The following ABCF1 variants were observed in gnomAD, a reference collection of about 807,000 sequenced individuals.
ABCF1 encodes the protein ATP binding cassette subfamily F member 1.
In ABCF1, 73 loss-of-function variants were observed where a neutral mutation model predicts 126.3. That is an observed-to-expected ratio of 0.58 (90% confidence interval 0.48 to 0.70). The LOEUF (loss-of-function observed/expected upper bound fraction) is 0.70. Ranked by LOEUF, ABCF1 falls within the 30% of genes least tolerant of loss-of-function variation. The probability of loss-of-function intolerance (pLI) is 0.00; values close to 1 mark genes in which losing one functional copy is unlikely to be tolerated. For synonymous variants in ABCF1, 345 were observed against 396.4 expected (o/e 0.87, Z 1.54); for missense variants, 786 against 1,057.5 (o/e 0.74, Z 3.56).
chr6:30,583,966 GA>G lies in ABCF1; in HGVS notation c.1102+79del. On this transcript the variant is annotated intron_variant, in intron 12 of 24. Coordinates refer to ENST00000326195, the MANE Select transcript of ABCF1 (RefSeq NM_001025091.2). This position sits in a 1 kb window ranked among gnomAD's most constrained non-coding sequence, Gnocchi z 4.1. ...AAAAGCCAGCCAGCCAAGAATAGAA[GA>G]AATTGTGGCTATGGAGTTGGAAGGG... 1 of 1,541,678 alleles carries G rather than the reference GA, an allele frequency of 6.5e-7. No homozygotes were observed. The highest frequency in any genetic ancestry group is 8.9e-7 in the Non-Finnish European group (1 of 1,121,228).
rs1375884087 is a variant in ABCF1, at chr6:30,584,971, TG to T, written c.1392-287del. On this transcript the variant is annotated intron_variant, in intron 14 of 24. Transcript: ENST00000326195. This position sits in a 1 kb window ranked among gnomAD's most constrained non-coding sequence, Gnocchi z 4.6. ...AAATTTAAAGATCAGCTGGATATGG[TG>T]GCGCACGCTGTGGTCACAGCTACTC... Among the ~76,000 whole-genome samples the T allele has an allele frequency of 1.3e-5, 2 of 152,148 alleles. No individual in the cohort carries two copies. The highest frequency in any genetic ancestry group is 4.8e-5 in the African/African-American group (2 of 41,426).
Position 30,571,451 on chromosome 6 carries a change from A to C in ABCF1, c.-37A>C, listed in dbSNP as rs751498234. ...CCCCGCCGCCGGAAGCGGAAATAGC[A>C]CCGGGCGCCGCCACAGTAGCTGTAA... is the stretch of plus-strand genomic sequence containing the variant. On this transcript the variant is annotated 5_prime_UTR_variant, in exon 1 of 25. Coordinates refer to ENST00000326195, the MANE Select transcript of ABCF1 (RefSeq NM_001025091.2). 2 of 1,588,408 alleles carry C rather than the reference A, an allele frequency of 1.3e-6. No individual in the cohort carries two copies. The highest frequency in any genetic ancestry group is 1.7e-6 in the Non-Finnish European group (2 of 1,167,592).
intron 20 of ABCF1, 61 bp from the exon 21 acceptor site, chr6:30,589,627 T>C (rs1802333171): frequency 6.5e-7 from 1 of 1,548,040 alleles, no homozygotes; most frequent in Admixed American, 1.9e-5. Context: ...AAAGTTGATG[T>C]ATGGAGCTGC....
intron 16 of ABCF1, 98 bp downstream of exon 16, chr6:30,585,780 T>C (rs1802086101): frequency 1.3e-6 from 2 of 1,572,472 alleles, no homozygotes; most frequent in African/African-American, 2.7e-5. Flanking sequence ...CTGTCAGAAT[T>C]CCAGACAGTG....
chr6:30,590,097 C>T, intron 22 of ABCF1, 52 bp from the exon 23 acceptor site: 1 of 1,611,962 alleles, frequency 6.2e-7, no homozygotes, highest in Non-Finnish European at 8.5e-7. Flanking sequence ...GAGGGTTTGC[C>T]TTCAGAATGT....
At position 30,586,824 on chromosome 6, in the gene ABCF1, A is replaced by G. The variant is rs1802161918; in HGVS notation, c.2031+113A>G. ...GAATGTAGAGTTAAATACAGAACTC[A>G]TGATAGATGATTCATTTCCCTAAGA... On this transcript the variant is annotated intron_variant, in intron 20 of 24. Transcript: ENST00000326195. The surrounding 1 kb of genome is among the most constrained non-coding windows in gnomAD (Gnocchi z 4.9). 7.0e-6 allele frequency: 8 copies of G among 1,137,330 alleles called. No homozygotes were observed. Among genetic ancestry groups the G allele is most frequent in the Non-Finnish European group, 1.0e-5 (8 of 780,758 alleles). The allele number at this position is 1,137,330 out of a possible 1,614,324, so 70.5% of individuals were successfully genotyped here.
At chr6:30,580,667 G>A (rs529986725) in intron 8 of ABCF1, 148 bp downstream of exon 8, 10 of 527,240 alleles carry the variant, frequency 1.9e-5, no homozygotes, top group African/African-American at 8.1e-5. Context: ...GTGGTGGTTC[G>A]TTTGTTTTTG....
rs1168715959 is a variant in ABCF1 at position 30,583,475 on chromosome 6, G to A, written c.916-133G>A. On this transcript the variant is annotated intron_variant, in intron 10 of 24. Transcript: ENST00000326195. The surrounding 1 kb of genome is among the most constrained non-coding windows in gnomAD (Gnocchi z 4.1). ...GGGCGGGGACCGGCTGTGGGGAGAG[G>A]AAGGGGATTATGCTGGAGGTAGCGG... 7.0e-6 allele frequency: 7 copies of A among 1,003,454 alleles called. No homozygotes were observed. In the East Asian group the frequency reaches 1.7e-4, roughly 24 times the overall value. The allele number at this position is 1,003,454 out of a possible 1,614,324, so 62.2% of individuals were successfully genotyped here. A position where few individuals can be genotyped will look rare whatever the true frequency, so the allele number is the denominator to read the frequency against.
In ABCF1 at chr6:30,578,464, C is replaced by A. The variant is rs770289534; in HGVS notation, c.382-6C>A. The A allele has an allele frequency of 6.2e-7, 1 of 1,613,962 alleles. No homozygotes were observed. The highest frequency in any genetic ancestry group is 8.5e-7 in the Non-Finnish European group (1 of 1,179,948). Reference sequence around the variant, plus strand: ...TACTGACTTCTGTGGCCCTTTCATTCTCTAGGGTGGTAATGTTTTTGCAGC... The same window carrying A: ...TACTGACTTCTGTGGCCCTTTCATTATCTAGGGTGGTAATGTTTTTGCAGC... On this transcript the variant is annotated splice_polypyrimidine_tract_variant and splice_region_variant and intron_variant, in intron 5 of 24. Coordinates refer to ENST00000326195, the MANE Select transcript of ABCF1 (RefSeq NM_001025091.2).
chr6:30,579,865 A>T, intron 6 of ABCF1, 66 bp from the exon 7 acceptor site: 1 of 1,525,548 alleles, frequency 6.6e-7, no homozygotes, highest in Non-Finnish European at 9.0e-7. Context: ...AGAAATGCTT[A>T]TTACACAGCA....
Position 30,584,625 on chromosome 6 carries a change from T to G in ABCF1, c.1391+59T>G. 1 of 1,521,646 alleles carries G rather than the reference T, an allele frequency of 6.6e-7. No homozygotes were observed. The highest frequency in any genetic ancestry group is 1.3e-5 in the South Asian group (1 of 79,316). 94.3% of individuals were successfully genotyped at this position (1,521,646 alleles called of 1,614,324 possible). On this transcript the variant is annotated intron_variant, in intron 14 of 24. Coordinates refer to ENST00000326195, the MANE Select transcript of ABCF1 (RefSeq NM_001025091.2). The surrounding 1 kb of genome is among the most constrained non-coding windows in gnomAD (Gnocchi z 4.6). Reference sequence around the variant, plus strand: ...CCTCAGACCACCGGGGCCCTTTTCCTCTTTCCCTTCTCATTCTTCCAAGGC... The same window carrying G: ...CCTCAGACCACCGGGGCCCTTTTCCGCTTTCCCTTCTCATTCTTCCAAGGC...
At chr6:30,572,363 G>A (rs566266050) in intron 1 of ABCF1, among the ~76,000 whole-genome samples, 112 of 152,338 alleles carry the variant, frequency 7.4e-4, no homozygotes, top group African/African-American at 2.6e-3. Flanking sequence ...ATGGTGAAGG[G>A]TCAGAGCATT....
In ABCF1 at chr6:30,578,572, A is replaced by C; in HGVS notation, c.484A>C (p.Asn162His). The change falls in exon 6 of 25, where the codon AAT becomes CAT. Residue 162 changes from asparagine to histidine, a missense_variant. Asn to His is a moderately conservative substitution (Grantham distance 68). Coordinates refer to ENST00000326195, the MANE Select transcript of ABCF1 (RefSeq NM_001025091.2). Reference sequence around the variant, plus strand: ...TGCCAAGCCGGAGAAGAATCGGATCAATAAGGTGACAGTGGTGGCTCGATC... The same window carrying C: ...TGCCAAGCCGGAGAAGAATCGGATCCATAAGGTGACAGTGGTGGCTCGATC... ...KPAKPEKNRI[N>H]KAVSEEQQPA... 6.2e-7 allele frequency: 1 copy of C among 1,613,600 alleles called. No homozygotes were observed.
At chr6:30,590,487 T>G (rs767449434) in intron 24 of ABCF1, 48 bp from the exon 25 acceptor site, 1 of 1,586,870 alleles carries the variant, frequency 6.3e-7, no homozygotes, top group Non-Finnish European at 8.6e-7. Context: ...CTGATTCCCC[T>G]CTTTCTCCTT....
chr6:30,584,602 T>G lies in ABCF1; in HGVS notation c.1391+36T>G, dbSNP rs775870314. 1.3e-6 allele frequency: 2 copies of G among 1,553,492 alleles called. No individual in the cohort carries two copies. Among genetic ancestry groups the G allele is most frequent in the Non-Finnish European group, 1.7e-6 (2 of 1,153,332 alleles). On this transcript the variant is annotated intron_variant, in intron 14 of 24. Coordinates refer to ENST00000326195, the MANE Select transcript of ABCF1 (RefSeq NM_001025091.2). This position sits in a 1 kb window ranked among gnomAD's most constrained non-coding sequence, Gnocchi z 4.6. ...CACCTCACTGCCCTCCCTTCCAGCC[T>G]CAGACCACCGGGGCCCTTTTCCTCT... is the stretch of plus-strand genomic sequence containing the variant.
In ABCF1 at chr6:30,579,922, C is replaced by T. The variant is rs1167765325; in HGVS notation, c.490-9C>T. 5 of 1,612,326 alleles carry T rather than the reference C, an allele frequency of 3.1e-6. No individual in the cohort carries two copies. The highest frequency in any genetic ancestry group is 4.2e-6 in the Non-Finnish European group (5 of 1,179,740). ...GTATGTGTGTAATGTGTATGTGTGT[C>T]TCCTCCAGGCCGTATCTGAGGAACA... On this transcript the variant is annotated splice_polypyrimidine_tract_variant and intron_variant, in intron 6 of 24. Transcript: ENST00000326195.
chr6:30,575,071 C>CTT lies in ABCF1; in HGVS notation c.74-2321_74-2320dup, dbSNP rs958476559. Among the ~76,000 whole-genome samples, 519 of 129,794 alleles carry CTT rather than the reference C, an allele frequency of 4.0e-3. 3 individuals carry two copies. The highest frequency in any genetic ancestry group is 0.013 in the African/African-American group (448 of 35,118). 85.1% of individuals were successfully genotyped at this position (129,794 alleles called of 152,430 possible). A position where few individuals can be genotyped will look rare whatever the true frequency, so the allele number is the denominator to read the frequency against. Reference sequence around the variant, plus strand: ...ATGGCGGATACCATTGACTTTTTTTCTTTTTTTTTTTTTTTTTTGAGACAG... The same window carrying CTT: ...ATGGCGGATACCATTGACTTTTTTTCTTTTTTTTTTTTTTTTTTTTGAGACAG... On this transcript the variant is annotated intron_variant, in intron 1 of 24. Coordinates refer to ENST00000326195, the MANE Select transcript of ABCF1 (RefSeq NM_001025091.2).
rs191581326 is a variant in ABCF1, at chr6:30,587,302, A to C, written c.2031+591A>C. 1.4e-4 allele frequency among the ~76,000 whole-genome samples: 21 copies of C among 150,352 alleles called. No individual in the cohort carries two copies. In the East Asian group the frequency reaches 3.9e-3, roughly 28 times the overall value. On this transcript the variant is annotated intron_variant, in intron 20 of 24. Coordinates refer to ENST00000326195, the MANE Select transcript of ABCF1 (RefSeq NM_001025091.2). The stretch of plus-strand genomic sequence containing the variant: ...GTGGTGGCCCACGCCTATAATCCCA[A>C]CTCTTTGGGGGAGGCTGAGGCAGGC...
chr6:30,586,825 T>C lies in ABCF1; in HGVS notation c.2031+114T>C, dbSNP rs1300872687. ...AATGTAGAGTTAAATACAGAACTCA[T>C]GATAGATGATTCATTTCCCTAAGAG... On this transcript the variant is annotated intron_variant, in intron 20 of 24. Coordinates refer to ENST00000326195, the MANE Select transcript of ABCF1 (RefSeq NM_001025091.2). The surrounding 1 kb of genome is among the most constrained non-coding windows in gnomAD (Gnocchi z 4.9). 5 of 1,140,160 alleles carry C rather than the reference T, an allele frequency of 4.4e-6. No individual in the cohort carries two copies. The highest frequency in any genetic ancestry group is 2.5e-5 in the East Asian group (1 of 39,578). 70.6% of individuals were successfully genotyped at this position (1,140,160 alleles called of 1,614,324 possible). A position where few individuals can be genotyped will look rare whatever the true frequency, so the allele number is the denominator to read the frequency against.
Sources: gnomAD v4.1 joint callset for allele counts (sites outside exome capture counted in the v4.1 genomes callset) on GRCh38, gnomAD v4.1.1 for gene constraint, Gnocchi (gnomAD v3.1) non-coding constraint, MANE v1.5 for transcripts, NCBI Gene and HGNC (gene_info 2026-07-23, HGNC 2026-07-21) for gene names.